The following MTMR7 variants were observed in gnomAD, a reference collection of about 807,000 sequenced individuals.
MTMR7 encodes myotubularin related protein 7.
Under a neutral mutation model 81.2 loss-of-function variants are expected in MTMR7, and 76 were observed. The observed-to-expected ratio is 0.94, with a 90% CI of 0.78 to 1.13. The LOEUF (loss-of-function observed/expected upper bound fraction) is 1.13. MTMR7 is among the 50% of genes most tolerant of loss of function. The pLI, the probability that MTMR7 is intolerant of heterozygous loss-of-function variation, is 0.00. For missense variants in MTMR7, 1,044 were observed against 820.0 expected (o/e 1.27, Z -3.34); for synonymous variants, 372 against 289.8 (o/e 1.28, Z -2.88).
At chr8:17,332,611 C>T (rs980694010) in intron 6 of MTMR7, among the ~76,000 whole-genome samples, 4 of 152,148 alleles carry the variant, frequency 2.6e-5, no homozygotes, top group South Asian at 2.1e-4. Context: ...GAGCTGCTGC[C>T]GCTGCTGCTG....
rs548792428 is a variant in MTMR7 at position 17,391,083 on chromosome 8, T to C, written c.25-17843A>G. ...CATTCCAGGCAGAGGGAACAACAAA[T>C]GACAAGACCCTGGGCAGGAACAGGT... On this transcript the variant is annotated intron_variant, in intron 1 of 13. Coordinates refer to ENST00000180173, the MANE Select transcript of MTMR7 (RefSeq NM_004686.5). Among the ~76,000 whole-genome samples, 7 of 152,148 alleles carry C rather than the reference T, an allele frequency of 4.6e-5. No individual in the cohort carries two copies. In the South Asian group the frequency reaches 6.2e-4, roughly 14 times the overall value.
intron 12 of MTMR7, among the ~76,000 whole-genome samples, chr8:17,303,390 G>C (rs1260339594): frequency 1.3e-5 from 2 of 152,082 alleles, no homozygotes; most frequent in Non-Finnish European, 2.9e-5. Context: ...ATCTATACAG[G>C]GAGAAAAGCC....
chr8:17,399,533 T>C (rs1391625434), intron 1 of MTMR7, among the ~76,000 whole-genome samples: 1 of 152,160 alleles, frequency 6.6e-6, no homozygotes, highest in Non-Finnish European at 1.5e-5. Flanking sequence ...AGAATAAATA[T>C]TGTTAAAATG....
chr8:17,298,956 A>G lies in MTMR7; in HGVS notation c.*906T>C, dbSNP rs904524648. ...TTCCCTTCATTAAACAGACATGACA[A>G]CCCAATTCTCTGGTTCTTGAAACTG... On this transcript the variant is annotated 3_prime_UTR_variant, in exon 14 of 14. Coordinates refer to ENST00000180173, the MANE Select transcript of MTMR7 (RefSeq NM_004686.5). 6.6e-6 allele frequency: 1 copy of G among 152,206 alleles called. No individual in the cohort carries two copies. The highest frequency in any genetic ancestry group is 2.4e-5 in the African/African-American group (1 of 41,462). The allele number at this position is 152,206 out of a possible 1,614,324, so 9.4% of individuals were successfully genotyped here.
rs143435954 is a variant in MTMR7, at chr8:17,349,716, G to T, written c.469-635C>A. Among the ~76,000 whole-genome samples, 58 of 152,308 alleles carry T rather than the reference G, an allele frequency of 3.8e-4. No individual in the cohort carries two copies. The South Asian group carries it at 5.4e-3, about 14-fold the overall frequency. On this transcript the variant is annotated intron_variant, in intron 4 of 13. Coordinates refer to ENST00000180173, the MANE Select transcript of MTMR7 (RefSeq NM_004686.5). ...AATGTGCCACAGATTACCGCGCAATGTAACAGCTTGATTTTTGTTTCTTAT... is the reference window on the plus strand; with the variant it reads ...AATGTGCCACAGATTACCGCGCAATTTAACAGCTTGATTTTTGTTTCTTAT...
chr8:17,355,939 T>C (rs1018465630), intron 4 of MTMR7, among the ~76,000 whole-genome samples: 14 of 152,274 alleles, frequency 9.2e-5, no homozygotes, highest in Admixed American at 9.2e-4. Flanking sequence ...CACATGGTTA[T>C]ATAAATGAAA....
At chr8:17,383,743 T>G (rs1820836015) in intron 1 of MTMR7, among the ~76,000 whole-genome samples, 1 of 151,924 alleles carries the variant, frequency 6.6e-6, no homozygotes, top group African/African-American at 2.4e-5. Context: ...GCTTGCTCAT[T>G]TCTCTTGTCT....
At chr8:17,336,325 C>A (rs919189380) in intron 6 of MTMR7, among the ~76,000 whole-genome samples, 1 of 152,084 alleles carries the variant, frequency 6.6e-6, no homozygotes, top group Non-Finnish European at 1.5e-5. Context: ...TCCTCAGGCT[C>A]CACTGGACCC....
At position 17,317,887 on chromosome 8, in the gene MTMR7, T is replaced by C. The variant is rs1818178696; in HGVS notation, c.866-4486A>G. ...TTGTTTCCATGACCTCCTCTTTCAA[T>C]CTCCCGTCCTTCTGTATTTTTGCCT... is the stretch of plus-strand genomic sequence containing the variant. On this transcript the variant is annotated intron_variant, in intron 7 of 13. Coordinates refer to ENST00000180173, the MANE Select transcript of MTMR7 (RefSeq NM_004686.5). Among the ~76,000 whole-genome samples the C allele has an allele frequency of 2.0e-5, 3 of 152,292 alleles. No individual in the cohort carries two copies. The South Asian group carries it at 6.2e-4, about 32-fold the overall frequency.
chr8:17,364,644 A>G (rs937673917), intron 3 of MTMR7, among the ~76,000 whole-genome samples: 1 of 152,088 alleles, frequency 6.6e-6, no homozygotes, highest in Non-Finnish European at 1.5e-5. Context: ...ACTGTCATAG[A>G]TCCCACATGT....
intron 6 of MTMR7, among the ~76,000 whole-genome samples, chr8:17,332,632 C>T (rs928572090): frequency 6.6e-6 from 1 of 152,170 alleles, no homozygotes; most frequent in Non-Finnish European, 1.5e-5. Flanking sequence ...CCCAGCATCA[C>T]AAGAGAAGTA....
chr8:17,371,252 G>T (rs1315116761), intron 2 of MTMR7, 53 bp from the exon 3 acceptor site: 3 of 1,559,748 alleles, frequency 1.9e-6, no homozygotes, highest in Admixed American at 1.8e-5. Context: ...TAATGAATAC[G>T]ACAAGGACTA....
At chr8:17,367,184 G>C (rs980146020) in intron 3 of MTMR7, among the ~76,000 whole-genome samples, 4 of 152,028 alleles carry the variant, frequency 2.6e-5, no homozygotes, top group African/African-American at 9.7e-5. Flanking sequence ...TCAATCATGA[G>C]ATTTTTTCTA....
intron 1 of MTMR7, among the ~76,000 whole-genome samples, chr8:17,397,848 C>T (rs564634007): frequency 9.2e-5 from 14 of 152,296 alleles, no homozygotes; most frequent in African/African-American, 3.4e-4. Context: ...TGTCACCCCA[C>T]TCCCAGCTCC....
chr8:17,334,466 G>A (rs1013788166), intron 6 of MTMR7, among the ~76,000 whole-genome samples: 2 of 152,176 alleles, frequency 1.3e-5, no homozygotes, highest in Non-Finnish European at 2.9e-5. Flanking sequence ...AGCAATAAAG[G>A]TAGTCACTTC....
At chr8:17,349,117 T>G (rs1364520303) in intron 4 of MTMR7, 36 bp from the exon 5 acceptor site, 1 of 1,605,570 alleles carries the variant, frequency 6.2e-7, no homozygotes, top group Non-Finnish European at 8.5e-7. Flanking sequence ...TTTTAGGCCA[T>G]CTAGTAATGC....
At chr8:17,406,334 T>C (rs1405407748) in intron 1 of MTMR7, among the ~76,000 whole-genome samples, 1 of 152,118 alleles carries the variant, frequency 6.6e-6, no homozygotes, top group Non-Finnish European at 1.5e-5. Flanking sequence ...ACAAAGGAAT[T>C]GAATAAGCAT....
intron 1 of MTMR7, among the ~76,000 whole-genome samples, chr8:17,385,924 T>C (rs1305924980): frequency 6.6e-6 from 1 of 152,232 alleles, no homozygotes; most frequent in Middle Eastern, 3.2e-3. Context: ...AATGTGAGAA[T>C]GGCCTAATAG....
chr8:17,340,687 C>T (rs980296973), intron 6 of MTMR7, among the ~76,000 whole-genome samples: 3 of 151,952 alleles, frequency 2.0e-5, no homozygotes, highest in South Asian at 4.1e-4. Flanking sequence ...ATTTCCTATT[C>T]GTTTTCTTAA....
Sources: gnomAD v4.1 joint callset for allele counts (sites outside exome capture counted in the v4.1 genomes callset) on GRCh38, gnomAD v4.1.1 for gene constraint, MANE v1.5 for transcripts, NCBI Gene and HGNC (gene_info 2026-07-23, HGNC 2026-07-21) for gene names.